Variants in PAX2 observed in about 807,000 individuals in gnomAD.
The protein encoded by PAX2 is paired box 2, also known as paired box protein Pax-2.
PAX2 carries 9 observed loss-of-function variants against 41.7 expected under a neutral mutation model. The ratio of observed to expected loss-of-function variants is 0.22; its 90% CI spans 0.13 to 0.38. The LOEUF (loss-of-function observed/expected upper bound fraction) is 0.38, where lower values mean the gene tolerates loss of function less well. PAX2 is among the 10% of genes least tolerant of loss of function. The probability of loss-of-function intolerance (pLI) is 1.00; values close to 1 mark genes in which losing one functional copy is unlikely to be tolerated. For missense variants in PAX2, 418 were observed against 531.6 expected (o/e 0.79, Z 2.10); for synonymous variants, 221 against 212.7 (o/e 1.04, Z -0.34).
At chr10:100,749,653 TG>T in intron 1 of PAX2, 92 bp from the exon 2 acceptor site, 1 of 1,535,812 alleles carries the variant, frequency 6.5e-7, no homozygotes. Flanking sequence ...CCGCCCTGCC[TG>T]CTTCCTTCGC....
intron 3 of PAX2, among the ~76,000 whole-genome samples, chr10:100,757,818 G>T (rs1845688852): frequency 6.6e-6 from 1 of 152,180 alleles, no homozygotes; most frequent in Non-Finnish European, 1.5e-5. Context: ...GCAGCCTCAG[G>T]TCTCCTGAGG....
chr10:100,739,485 G>T (rs529973733), intron 1 of PAX2, among the ~76,000 whole-genome samples: 2 of 152,156 alleles, frequency 1.3e-5, no homozygotes, highest in African/African-American at 2.4e-5. Context: ...TTTGGTGCCG[G>T]CTCGCAACTC....
chr10:100,739,743 G>A (rs1844889178), intron 1 of PAX2, among the ~76,000 whole-genome samples: 1 of 152,224 alleles, frequency 6.6e-6, no homozygotes, highest in Non-Finnish European at 1.5e-5. Context: ...TGACTGTGGA[G>A]GTAACGCCGG....
rs1053792870 is a variant in PAX2 at position 100,810,860 on chromosome 10, TC to T, written c.919+1631del. Among the ~76,000 whole-genome samples the T allele has an allele frequency of 8.4e-5, 12 of 143,354 alleles. No individual in the cohort carries two copies. In the East Asian group the frequency reaches 1.1e-3, roughly 13 times the overall value. 94.0% of individuals were successfully genotyped at this position (143,354 alleles called of 152,430 possible). ...CCACCTTGAGCAGCCCCCACCCGCC[TC>T]CCCCCCATGGCCCTGGAACAGTCCC... is the stretch of plus-strand genomic sequence containing the variant. On this transcript the variant is annotated intron_variant, in intron 7 of 9. Coordinates refer to ENST00000355243, the MANE Select transcript of PAX2 (RefSeq NM_000278.5).
At chr10:100,813,074 G>A (rs765101059) in intron 7 of PAX2, among the ~76,000 whole-genome samples, 4 of 152,214 alleles carry the variant, frequency 2.6e-5, no homozygotes, top group Admixed American at 6.5e-5. Flanking sequence ...GAAAGTTTAC[G>A]AATTTGCACT....
rs776164547 is a variant in PAX2 at position 100,781,320 on chromosome 10, C to T, written c.571C>T (p.Leu191=). Residue 191 remains leucine (L), a synonymous_variant, in exon 5 of 10, where the codon CTG becomes TTG. Coordinates refer to ENST00000355243, the MANE Select transcript of PAX2 (RefSeq NM_000278.5). The stretch of plus-strand genomic sequence containing the variant: ...GGGATCCTACTCCATCAATGGGATC[C>T]TGGGGATTCCTCGCTCCAATGGTGA... The part of the protein sequence containing the change: ...PVGSYSINGI[L]GIPRSNGEKR... 6.2e-7 allele frequency: 1 copy of T among 1,613,980 alleles called. No homozygotes were observed. Among genetic ancestry groups the T allele is most frequent in the Non-Finnish European group, 8.5e-7 (1 of 1,179,854 alleles).
At chr10:100,786,827 C>T (rs116576614) in intron 5 of PAX2, 11 of 548,344 alleles carry the variant, frequency 2.0e-5, no homozygotes, top group South Asian at 1.5e-4. Flanking sequence ...AGCTCAGAAC[C>T]CTTGTAGCCC....
chr10:100,757,159 G>A (rs969684628), intron 3 of PAX2, among the ~76,000 whole-genome samples: 1 of 152,174 alleles, frequency 6.6e-6, no homozygotes, highest in Non-Finnish European at 1.5e-5. Flanking sequence ...GTGTGGATTT[G>A]TGTGTGTTTG....
At chr10:100,789,434 C>T (rs1324481940) in intron 5 of PAX2, among the ~76,000 whole-genome samples, 2 of 152,194 alleles carry the variant, frequency 1.3e-5, no homozygotes, top group African/African-American at 4.8e-5. Flanking sequence ...AGGAGAGGTG[C>T]TCTGTGGATT....
intron 3 of PAX2, 107 bp from the exon 4 acceptor site, chr10:100,779,391 G>C (rs1460524389): frequency 3.2e-6 from 3 of 938,634 alleles, no homozygotes. Context: ...GATGGATGAG[G>C]AAATCGCTGA....
At chr10:100,754,324 C>T (rs4601695) in intron 3 of PAX2, among the ~76,000 whole-genome samples, 17,360 of 152,228 alleles carry the variant, frequency 0.11, 3,054 homozygotes, top group African/African-American at 0.38. Context: ...GACAATCCCC[C>T]GAGGGTGCTC....
chr10:100,809,436 C>A (rs1458406994), intron 7 of PAX2, among the ~76,000 whole-genome samples, 200 bp downstream of exon 7: 2 of 152,236 alleles, frequency 1.3e-5, no homozygotes, highest in African/African-American at 4.8e-5. Flanking sequence ...CATCTGTGGG[C>A]TTCAACCTGG....
chr10:100,799,888 G>A (rs1215597464), intron 5 of PAX2, among the ~76,000 whole-genome samples: 5 of 147,280 alleles, frequency 3.4e-5, no homozygotes, highest in Non-Finnish European at 7.4e-5. Context: ...GGGTTCAAGC[G>A]ATTCTCCTGC....
At chr10:100,768,634 A>T (rs1410909777) in intron 3 of PAX2, among the ~76,000 whole-genome samples, 2 of 152,192 alleles carry the variant, frequency 1.3e-5, no homozygotes, top group African/African-American at 2.4e-5. Context: ...TGAAGGAAAA[A>T]TTTGTTCATG....
intron 3 of PAX2, among the ~76,000 whole-genome samples, chr10:100,771,137 T>C (rs1019455778): frequency 2.6e-5 from 4 of 152,242 alleles, no homozygotes; most frequent in Admixed American, 1.3e-4. Context: ...AGCTTTTTGG[T>C]AGGACTTTCA....
At chr10:100,752,356 T>C (rs1845473018) in intron 3 of PAX2, among the ~76,000 whole-genome samples, 1 of 152,144 alleles carries the variant, frequency 6.6e-6, no homozygotes, top group Non-Finnish European at 1.5e-5. Context: ...CGCTGGGTGG[T>C]TTGGGAGAGG....
intron 5 of PAX2, among the ~76,000 whole-genome samples, chr10:100,787,830 C>G (rs1035290135): frequency 1.2e-4 from 18 of 151,938 alleles, no homozygotes; most frequent in Non-Finnish European, 2.4e-4. Context: ...GGGGGAGCCA[C>G]TGGACTATGG....
chr10:100,784,616 G>T (rs1215483891), intron 5 of PAX2, among the ~76,000 whole-genome samples: 1 of 152,244 alleles, frequency 6.6e-6, no homozygotes, highest in Non-Finnish European at 1.5e-5. Context: ...GGGCATTAGT[G>T]AGGACAATCA....
intron 7 of PAX2, among the ~76,000 whole-genome samples, chr10:100,814,351 C>CAAAAAAAAAAAA (rs11458573): frequency 1.9e-5 from 1 of 53,720 alleles, no homozygotes; most frequent in Non-Finnish European, 3.0e-5. Context: ...GACTCCATCT[C>CAAAAAAAAAAAA]AAAAAAAAAA....
Sources: allele counts gnomAD v4.1 joint callset (sites outside exome capture counted in the v4.1 genomes callset), GRCh38; gene constraint gnomAD v4.1.1; transcripts MANE v1.5; gene names NCBI Gene and HGNC (gene_info 2026-07-23, HGNC 2026-07-21).